Variants in OSBP observed in about 807,000 individuals in gnomAD.
The protein encoded by OSBP is oxysterol binding protein.
Under a neutral mutation model 96.6 loss-of-function variants are expected in OSBP, and 32 were observed. The ratio of observed to expected loss-of-function variants is 0.33; its 90% CI spans 0.25 to 0.45. OSBP has a LOEUF of 0.45. OSBP is among the 20% of genes least tolerant of loss of function. OSBP has a pLI of 1.00. For synonymous variants in OSBP, 369 were observed against 389.6 expected, an observed-to-expected ratio of 0.95 and a Z score of 0.62; for missense variants, 653 against 1,029.7, an observed-to-expected ratio of 0.63 and a Z score of 5.01.
intron 9 of OSBP, among the ~76,000 whole-genome samples, chr11:59,582,855 C>A (rs1860437826): frequency 6.6e-6 from 1 of 152,110 alleles, no homozygotes; most frequent in African/African-American, 2.4e-5. Flanking sequence ...TCCTGTTGTG[C>A]AGTAAATGTC....
intron 9 of OSBP, among the ~76,000 whole-genome samples, chr11:59,591,174 T>C (rs1308254223): frequency 6.6e-6 from 1 of 152,156 alleles, no homozygotes; most frequent in African/African-American, 2.4e-5. Flanking sequence ...TAAAATGAAG[T>C]CTCCCTAGGA....
In OSBP at chr11:59,575,634, C is replaced by G. The variant is rs913292543; in HGVS notation, c.*943G>C. The G allele has an allele frequency of 2.0e-5, 3 of 152,570 alleles. No homozygotes were observed. The highest frequency in any genetic ancestry group is 6.5e-5 in the Admixed American group (1 of 15,278). 9.5% of individuals were successfully genotyped at this position (152,570 alleles called of 1,614,324 possible). ...CCACATTAACTTCTGCTCTCAAATTCTGAAGTATATCAGAATGGGACAGGC... is the reference window on the plus strand; with the variant it reads ...CCACATTAACTTCTGCTCTCAAATTGTGAAGTATATCAGAATGGGACAGGC... On this transcript the variant is annotated 3_prime_UTR_variant, in exon 14 of 14. Transcript: ENST00000263847.
intron 12 of OSBP, 101 bp downstream of exon 12, chr11:59,578,048 T>G: frequency 9.2e-7 from 1 of 1,082,118 alleles, no homozygotes; most frequent in Non-Finnish European, 1.4e-6. Flanking sequence ...CTTGCTCAAT[T>G]CCCCACATAA....
At chr11:59,608,405 A>G in intron 3 of OSBP, 79 bp downstream of exon 3, 1 of 1,570,244 alleles carries the variant, frequency 6.4e-7, no homozygotes, top group Non-Finnish European at 8.7e-7. Flanking sequence ...TATCAATTAC[A>G]ATTTTTAGGC....
Position 59,610,371 on chromosome 11 carries a change from T to C in OSBP, c.571+10A>G. The C allele has an allele frequency of 6.2e-7, 1 of 1,611,722 alleles. No individual in the cohort carries two copies. Among genetic ancestry groups the C allele is most frequent in the South Asian group, 1.1e-5 (1 of 90,994 alleles). Reference sequence around the variant, plus strand: ...GAAAGTTCCCCAGGCAGGTGTTCTTTGTTCCTGACCTGACTCTGCCAGCAT... The same window carrying C: ...GAAAGTTCCCCAGGCAGGTGTTCTTCGTTCCTGACCTGACTCTGCCAGCAT... On this transcript the variant is annotated intron_variant, in intron 2 of 13. Coordinates refer to ENST00000263847, the MANE Select transcript of OSBP (RefSeq NM_002556.3).
chr11:59,581,358 C>A (rs910567361), intron 10 of OSBP, 93 bp downstream of exon 10: 5 of 588,108 alleles, frequency 8.5e-6, no homozygotes, highest in African/African-American at 7.3e-5. Flanking sequence ...TAGCAACATT[C>A]TGAGACCAGT....
At chr11:59,590,161 T>C (rs760257866) in intron 9 of OSBP, among the ~76,000 whole-genome samples, 6 of 152,224 alleles carry the variant, frequency 3.9e-5, no homozygotes, top group African/African-American at 7.2e-5. Flanking sequence ...GGCACTTTCA[T>C]TGGTATTAGA....
intron 7 of OSBP, among the ~76,000 whole-genome samples, chr11:59,594,723 C>G (rs1277555715): frequency 6.6e-6 from 1 of 152,190 alleles, no homozygotes; most frequent in Non-Finnish European, 1.5e-5. Context: ...AGTTTCCACC[C>G]TGGACAAAAC....
chr11:59,601,238 T>C (rs1860720769), intron 5 of OSBP, 45 bp downstream of exon 5: 1 of 1,056,524 alleles, frequency 9.5e-7, no homozygotes, highest in Non-Finnish European at 1.5e-6. Context: ...ACCATATTGA[T>C]GGTGAAGATA....
At chr11:59,587,188 T>G (rs1402909595) in intron 9 of OSBP, among the ~76,000 whole-genome samples, 1 of 151,838 alleles carries the variant, frequency 6.6e-6, no homozygotes, top group East Asian at 1.9e-4. Flanking sequence ...AAAAAAAAGC[T>G]AAAGAACTCA....
At chr11:59,601,115 CAAAAAAAAAA>C (rs11405726) in intron 5 of OSBP, among the ~76,000 whole-genome samples, 158 bp downstream of exon 5, 6 of 113,868 alleles carry the variant, frequency 5.3e-5, no homozygotes, top group Admixed American at 4.9e-4. Flanking sequence ...GATCTTGAGA[CAAAAAAAAAA>C]AAAAAAAAAG....
chr11:59,576,120 G>A lies in OSBP; in HGVS notation c.*457C>T, dbSNP rs868074380. The A allele has an allele frequency of 2.0e-4, 32 of 160,332 alleles. No homozygotes were observed. Among genetic ancestry groups the A allele is most frequent in the Middle Eastern group, 3.2e-3 (1 of 316 alleles). 9.9% of individuals were successfully genotyped at this position (160,332 alleles called of 1,614,324 possible). ...GCAACCATTCACAATGCCTCCATTG[G>A]TAAGTCTTATGTGTTTCTTTTTAAG... On this transcript the variant is annotated 3_prime_UTR_variant, in exon 14 of 14. Transcript: ENST00000263847.
Position 59,608,435 on chromosome 11 carries a change from T to C in OSBP, c.822+49A>G, listed in dbSNP as rs1325637562. On this transcript the variant is annotated intron_variant, in intron 3 of 13. Coordinates refer to ENST00000263847, the MANE Select transcript of OSBP (RefSeq NM_002556.3). ...TTAGGCATTTGGGGAGAATTATGTT[T>C]CAAAGAGGGAATGAATCAAAAAGCA... The C allele has an allele frequency of 5.0e-6, 8 of 1,611,932 alleles. No homozygotes were observed. In the African/African-American group the frequency reaches 1.1e-4, roughly 22 times the overall value.
At chr11:59,578,074 G>C in intron 12 of OSBP, 75 bp downstream of exon 12, 1 of 1,378,890 alleles carries the variant, frequency 7.3e-7, no homozygotes, top group Admixed American at 1.8e-5. Flanking sequence ...TGAGAGGGCA[G>C]GCAGAAATGC....
chr11:59,610,561 G>A lies in OSBP; in HGVS notation c.391C>T (p.Arg131Cys). The A allele has an allele frequency of 1.9e-6, 3 of 1,614,016 alleles. No homozygotes were observed. Among genetic ancestry groups the A allele is most frequent in the Non-Finnish European group, 8.5e-7 (1 of 1,179,876 alleles). The change falls in exon 2 of 14, where the codon CGT (arginine) becomes TGT (cysteine). Residue 131 changes from arginine (R) to cysteine (C), a missense_variant. By Grantham distance (180) the Arg-to-Cys change is radical. Transcript: ENST00000263847. ...GCTGTGGCGAGGTTGATGGTACCACGGCAGGTATGTCTCATTTCTGCCTTT... is the reference window on the plus strand; with the variant it reads ...GCTGTGGCGAGGTTGATGGTACCACAGCAGGTATGTCTCATTTCTGCCTTT... ...RSKAEMRHTC[R>C]GTINLATANI...
Position 59,582,579 on chromosome 11 carries a change from G to A in OSBP, c.1679-1025C>T, listed in dbSNP as rs77010310. ...GTAATGATAAGTAGAGCACTTTCCTGAGTTGAGTCATTTTAATGAATTATC... is the reference window on the plus strand; with the variant it reads ...GTAATGATAAGTAGAGCACTTTCCTAAGTTGAGTCATTTTAATGAATTATC... On this transcript the variant is annotated intron_variant, in intron 9 of 13. Transcript: ENST00000263847. 3.9e-3 allele frequency among the ~76,000 whole-genome samples: 592 copies of A among 152,322 alleles called. 9 individuals carry two copies. The highest frequency in any genetic ancestry group is 0.029 in the East Asian group (150 of 5,182).
At chr11:59,577,952 G>A (rs1182524451) in intron 12 of OSBP, among the ~76,000 whole-genome samples, 197 bp downstream of exon 12, 1 of 152,190 alleles carries the variant, frequency 6.6e-6, no homozygotes, top group Non-Finnish European at 1.5e-5. Flanking sequence ...ATGTAGTTTG[G>A]TTTGAACTTC....
intron 12 of OSBP, 25 bp downstream of exon 12, chr11:59,578,124 G>A (rs1348839041): frequency 4.4e-6 from 7 of 1,606,370 alleles, no homozygotes; most frequent in Non-Finnish European, 4.3e-6. Flanking sequence ...AGTGGTATCT[G>A]GGCAGCATGC....
At position 59,615,670 on chromosome 11, in the gene OSBP, G is replaced by A. The variant is rs1162277465; in HGVS notation, c.-6C>T. On this transcript the variant is annotated 5_prime_UTR_variant, in exon 1 of 14. Coordinates refer to ENST00000263847, the MANE Select transcript of OSBP (RefSeq NM_002556.3). ...CTCAGCTCCGTCGCCGCCATGAGCC[G>A]CCGCCGCCTGGAGATACAAGACCGG... 1 of 1,325,620 alleles carries A rather than the reference G, an allele frequency of 7.5e-7. No individual in the cohort carries two copies. Among genetic ancestry groups the A allele is most frequent in the Non-Finnish European group, 9.6e-7 (1 of 1,038,456 alleles). The allele number at this position is 1,325,620 out of a possible 1,614,324, so 82.1% of individuals were successfully genotyped here.
Sources: gnomAD v4.1 joint callset for allele counts (sites outside exome capture counted in the v4.1 genomes callset) on GRCh38, gnomAD v4.1.1 for gene constraint, MANE v1.5 for transcripts, NCBI Gene and HGNC (gene_info 2026-07-23, HGNC 2026-07-21) for gene names.